The following DHCR24 variants were observed in gnomAD, a reference collection of about 807,000 sequenced individuals.
DHCR24 encodes delta(24)-sterol reductase.
Under a neutral mutation model 61.2 loss-of-function variants are expected in DHCR24, and 28 were observed. That is an observed-to-expected ratio of 0.46 (90% CI 0.34 to 0.63). The LOEUF (loss-of-function observed/expected upper bound fraction) is 0.63. Among genes scored for constraint, DHCR24 ranks in the 20% least tolerant of loss-of-function variants. The pLI, the probability that DHCR24 is intolerant of heterozygous loss-of-function variation, is 0.01. For synonymous variants in DHCR24, 261 were observed against 275.9 expected (o/e 0.95, Z 0.54); for missense variants, 538 against 679.1 (o/e 0.79, Z 2.31).
intron 5 of DHCR24, among the ~76,000 whole-genome samples, chr1:54,866,340 A>G (rs1331968885): frequency 6.6e-6 from 1 of 151,892 alleles, no homozygotes; most frequent in Middle Eastern, 3.2e-3. Context: ...TGTTTTTAAA[A>G]AATAGGACCA....
chr1:54,881,051 G>A (rs544113410), intron 2 of DHCR24, among the ~76,000 whole-genome samples: 1 of 152,312 alleles, frequency 6.6e-6, no homozygotes, highest in East Asian at 1.9e-4. Flanking sequence ...CCAGGAGGCT[G>A]AGGCAGGAGA....
chr1:54,885,980 T>G (rs1311406083), intron 1 of DHCR24, among the ~76,000 whole-genome samples: 1 of 152,164 alleles, frequency 6.6e-6, no homozygotes, highest in East Asian at 1.9e-4. Context: ...TTATGCCTCA[T>G]GGGAACGTCT....
chr1:54,867,374 T>G (rs1309956435), intron 5 of DHCR24, among the ~76,000 whole-genome samples: 2 of 152,158 alleles, frequency 1.3e-5, no homozygotes, highest in African/African-American at 4.8e-5. Context: ...TCTAATGGCA[T>G]CCACCACTCT....
intron 1 of DHCR24, chr1:54,886,642 T>G: frequency 1.4e-5 from 20 of 1,472,962 alleles, no homozygotes; most frequent in Non-Finnish European, 1.7e-5. Flanking sequence ...CCTCCCCCTC[T>G]TCCCCTTCTT....
At chr1:54,854,302 G>A in intron 6 of DHCR24, 68 bp from the exon 7 acceptor site, 2 of 1,368,486 alleles carry the variant, frequency 1.5e-6, no homozygotes, top group Non-Finnish European at 2.0e-6. Context: ...AAGTGCAAGG[G>A]GCCAGGGGCC....
At chr1:54,869,604 C>CACAG (rs1557435368) in intron 5 of DHCR24, among the ~76,000 whole-genome samples, 2 of 151,676 alleles carry the variant, frequency 1.3e-5, no homozygotes, top group African/African-American at 2.4e-5. Flanking sequence ...CACACACACA[C>CACAG]AGAGAAATAG....
intron 5 of DHCR24, among the ~76,000 whole-genome samples, chr1:54,865,831 CACGA>C (rs964640846): frequency 2.0e-5 from 3 of 151,982 alleles, no homozygotes; most frequent in African/African-American, 7.2e-5. Context: ...GCCAGGGAAG[CACGA>C]ACTCTGGGAA....
chr1:54,859,782 G>A (rs1240937065), intron 6 of DHCR24, among the ~76,000 whole-genome samples: 3 of 152,356 alleles, frequency 2.0e-5, no homozygotes, highest in Middle Eastern at 3.4e-3. Flanking sequence ...AAGATAATGC[G>A]TGGAAAGTGT....
At position 54,854,234 on chromosome 1, in the gene DHCR24, C is replaced by T; in HGVS notation, c.1021G>A (p.Asp341Asn). Residue 341 changes from aspartate to asparagine, a missense_variant and splice_region_variant, in exon 7 of 9, where the codon GAC becomes AAC. Asp to Asn is a conservative substitution (Grantham distance 23). Coordinates refer to ENST00000371269, the MANE Select transcript of DHCR24 (RefSeq NM_014762.4). The stretch of plus-strand genomic sequence containing the variant: ...GGGTTGTTGCCAAAGGGGATAATGT[C>T]CTGGAAAACAAAGATTAGGGTTGGA... ...HTRSIFWELQ[D>N]IIPFGNNPIF... 1 of 1,612,374 alleles carries T rather than the reference C, an allele frequency of 6.2e-7. No individual in the cohort carries two copies. The highest frequency in any genetic ancestry group is 8.5e-7 in the Non-Finnish European group (1 of 1,179,230).
At chr1:54,886,678 G>A (rs1172657493) in intron 1 of DHCR24, 12 of 1,504,554 alleles carry the variant, frequency 8.0e-6, no homozygotes, top group East Asian at 5.8e-5. Context: ...ACCCGCATAT[G>A]CCCTGCACAC....
intron 7 of DHCR24, 83 bp from the exon 8 acceptor site, chr1:54,853,695 A>G (rs1345462987): frequency 2.0e-5 from 29 of 1,460,688 alleles, no homozygotes; most frequent in Non-Finnish European, 2.7e-5. Flanking sequence ...TACCCACCCA[A>G]ATGAAGGCTT....
At chr1:54,865,991 A>G (rs1301738741) in intron 5 of DHCR24, among the ~76,000 whole-genome samples, 1 of 152,094 alleles carries the variant, frequency 6.6e-6, no homozygotes, top group Non-Finnish European at 1.5e-5. Flanking sequence ...TCACATGAAT[A>G]AGGCTCATAC....
chr1:54,860,056 A>G (rs1467154773), intron 6 of DHCR24, among the ~76,000 whole-genome samples: 3 of 152,084 alleles, frequency 2.0e-5, no homozygotes, highest in African/African-American at 7.2e-5. Context: ...CCAGGCCATG[A>G]TGAGACCCTC....
rs763339091 is a variant in DHCR24, at chr1:54,871,350, C to T, written c.876G>A (p.Lys292=). ...GVMTDEAEPS[K]LNSIGNYYKP... ...AGCAGCAGCTGACACCCTGGCTTAC[C>T]TTGCTGGGCTCTGCCTCATCTGTCA... is the stretch of plus-strand genomic sequence containing the variant. Residue 292 remains lysine (K), a splice_region_variant and synonymous_variant, in exon 5 of 9, where the codon AAG becomes AAA. Transcript: ENST00000371269. 1 of 1,613,910 alleles carries T rather than the reference C, an allele frequency of 6.2e-7. No homozygotes were observed. The highest frequency in any genetic ancestry group is 8.5e-7 in the Non-Finnish European group (1 of 1,180,028).
chr1:54,865,484 A>T, intron 5 of DHCR24, 38 bp from the exon 6 acceptor site: 1 of 1,612,908 alleles, frequency 6.2e-7, no homozygotes, highest in Non-Finnish European at 8.5e-7. Context: ...GCCTGCAGAC[A>T]AGCGCCCAGC....
intron 2 of DHCR24, among the ~76,000 whole-genome samples, chr1:54,882,633 C>T (rs1056955787): frequency 5.3e-5 from 8 of 152,190 alleles, no homozygotes; most frequent in African/African-American, 1.7e-4. Flanking sequence ...GATACATCCA[C>T]ACAATATGTG....
intron 5 of DHCR24, among the ~76,000 whole-genome samples, chr1:54,867,840 C>T (rs575802400): frequency 8.5e-5 from 13 of 152,286 alleles, no homozygotes; most frequent in Non-Finnish European, 1.6e-4. Context: ...GCTCAATGTC[C>T]GGTATTGCCA....
chr1:54,862,674 C>T (rs962656261), intron 6 of DHCR24, among the ~76,000 whole-genome samples: 3 of 152,186 alleles, frequency 2.0e-5, no homozygotes, highest in Non-Finnish European at 4.4e-5. Flanking sequence ...CCAACCTCCA[C>T]TGAACTCCTG....
At chr1:54,884,726 A>G (rs950256734) in intron 1 of DHCR24, among the ~76,000 whole-genome samples, 2 of 152,092 alleles carry the variant, frequency 1.3e-5, no homozygotes, top group African/African-American at 4.8e-5. Context: ...ATGACTGAGG[A>G]CTGATTCTAT....
Sources: gnomAD v4.1 joint callset for allele counts (sites outside exome capture counted in the v4.1 genomes callset) on GRCh38, gnomAD v4.1.1 for gene constraint, MANE v1.5 for transcripts, NCBI Gene and HGNC (gene_info 2026-07-23, HGNC 2026-07-21) for gene names.